Variants in AGO1 observed in about 807,000 individuals in gnomAD.
AGO1 encodes the protein protein argonaute-1.
A neutral mutation model predicts 109.2 loss-of-function variants in AGO1; 11 were observed. That is an observed-to-expected ratio of 0.10 (90% CI 0.06 to 0.17). AGO1 has a LOEUF of 0.17. Among genes scored for constraint, AGO1 ranks in the 10% least tolerant of loss-of-function variants. The pLI, the probability that AGO1 is intolerant of heterozygous loss-of-function variation, is 1.00. For synonymous variants in AGO1, 422 were observed against 418.6 expected (o/e 1.01, Z -0.10); for missense variants, 574 against 1,140.3 (o/e 0.50, Z 7.15).
Position 35,901,112 on chromosome 1 carries a change from C to G in AGO1, c.1021-362C>G, listed in dbSNP as rs373296348. On this transcript the variant is annotated intron_variant, in intron 8 of 18. Transcript: ENST00000373204. The surrounding 1 kb of genome is among the most constrained non-coding windows in gnomAD (Gnocchi z 4.8). Reference sequence around the variant, plus strand: ...TCTTGTTCCTCAGCCTCCTGAGTAGCTGGGATTACAGGCGCACGCCACCAT... The same window carrying G: ...TCTTGTTCCTCAGCCTCCTGAGTAGGTGGGATTACAGGCGCACGCCACCAT... Among the ~76,000 whole-genome samples, 8 of 151,600 alleles carry G rather than the reference C, an allele frequency of 5.3e-5. No homozygotes were observed. The East Asian group carries it at 9.9e-4, about 19-fold the overall frequency.
chr1:35,902,187 C>T lies in AGO1; in HGVS notation c.1264-17C>T. The T allele has an allele frequency of 6.2e-7, 1 of 1,610,986 alleles. No individual in the cohort carries two copies. The highest frequency in any genetic ancestry group is 8.5e-7 in the Non-Finnish European group (1 of 1,178,032). On this transcript the variant is annotated splice_polypyrimidine_tract_variant and intron_variant, in intron 10 of 18. Transcript: ENST00000373204. ...TCTACTGAGGCTCACCTAGGCGCCC[C>T]CTCTACCTATCCCCAGAACCGGGCC...
intron 12 of AGO1, among the ~76,000 whole-genome samples, chr1:35,908,865 C>T (rs1189509238): frequency 6.9e-6 from 1 of 144,192 alleles, no homozygotes; most frequent in Non-Finnish European, 1.5e-5. Flanking sequence ...GTTGCCCAGG[C>T]TGGAGTGCAG....
intron 12 of AGO1, among the ~76,000 whole-genome samples, chr1:35,911,043 GCAA>G (rs1206768773): frequency 6.6e-6 from 1 of 152,094 alleles, no homozygotes; most frequent in Non-Finnish European, 1.5e-5. Context: ...TCCAGCCTGG[GCAA>G]CAGAGGAAGA....
At chr1:35,898,674 A>G (rs1324925409) in intron 8 of AGO1, among the ~76,000 whole-genome samples, 1 of 152,200 alleles carries the variant, frequency 6.6e-6, no homozygotes, top group East Asian at 1.9e-4. Flanking sequence ...TATTCTAATT[A>G]TAATATGAAT....
chr1:35,922,731 G>A lies in AGO1; in HGVS notation c.*3124G>A, dbSNP rs1002980449. 1.6e-4 allele frequency: 25 copies of A among 152,334 alleles called. No homozygotes were observed. Among genetic ancestry groups the A allele is most frequent in the African/African-American group, 5.5e-4 (23 of 41,446 alleles). The allele number at this position is 152,334 out of a possible 1,614,324, so 9.4% of individuals were successfully genotyped here. ...CTTGACTGCAGAAGACCAAGAACCT[G>A]TTCCCCAAGCCCAGAGATGTCCACC... On this transcript the variant is annotated 3_prime_UTR_variant, in exon 19 of 19. Transcript: ENST00000373204.
At chr1:35,894,595 A>G (rs1645285079) in intron 7 of AGO1, among the ~76,000 whole-genome samples, 193 bp downstream of exon 7, 1 of 151,824 alleles carries the variant, frequency 6.6e-6, no homozygotes, top group Non-Finnish European at 1.5e-5. Context: ...TCTCCCTACC[A>G]TTTTTACCTT....
chr1:35,915,688 A>G, intron 15 of AGO1, 146 bp downstream of exon 15: 1 of 734,358 alleles, frequency 1.4e-6, no homozygotes, highest in Non-Finnish European at 2.2e-6. Flanking sequence ...CAAGGATCGC[A>G]ACTGAGGGAT....
chr1:35,883,303 C>T lies in AGO1; in HGVS notation c.-119C>T. The T allele has an allele frequency of 1.4e-6, 2 of 1,467,742 alleles. No individual in the cohort carries two copies. Among genetic ancestry groups the T allele is most frequent in the Non-Finnish European group, 1.8e-6 (2 of 1,114,188 alleles). The allele number at this position is 1,467,742 out of a possible 1,614,324, so 90.9% of individuals were successfully genotyped here. On this transcript the variant is annotated 5_prime_UTR_variant, in exon 1 of 19. Coordinates refer to ENST00000373204, the MANE Select transcript of AGO1 (RefSeq NM_012199.5). This position sits in a 1 kb window ranked among gnomAD's most constrained non-coding sequence, Gnocchi z 5.4. The stretch of plus-strand genomic sequence containing the variant: ...GGGGGCGGCGGCGCGAGCGGCCGGG[C>T]TTGGTAGGGGAGCCGAGCCCGGCCC...
intron 11 of AGO1, among the ~76,000 whole-genome samples, chr1:35,903,839 T>G (rs1287719479): frequency 2.0e-5 from 3 of 151,744 alleles, no homozygotes; most frequent in Non-Finnish European, 4.4e-5. Flanking sequence ...GGCGCGTGCC[T>G]GTAGTCCCAG....
Position 35,892,764 on chromosome 1 carries a change from T to C in AGO1, c.330+87T>C. ...AGCCTCTTTGGAGATCCAGAGATCC[T>C]TTTCATCTTTTGTGCTGAGAAAGTA... On this transcript the variant is annotated intron_variant, in intron 3 of 18. Coordinates refer to ENST00000373204, the MANE Select transcript of AGO1 (RefSeq NM_012199.5). 7 of 1,582,272 alleles carry C rather than the reference T, an allele frequency of 4.4e-6. No homozygotes were observed. In the South Asian group the frequency reaches 7.9e-5, roughly 18 times the overall value.
At chr1:35,910,046 C>T (rs556336105) in intron 12 of AGO1, among the ~76,000 whole-genome samples, 5 of 151,328 alleles carry the variant, frequency 3.3e-5, no homozygotes, top group South Asian at 2.1e-4. Context: ...ATTGGGACTT[C>T]GAGTTTCTTT....
In AGO1 at chr1:35,899,843, A is replaced by AT. The variant is rs571942039; in HGVS notation, c.1021-1622dup. Among the ~76,000 whole-genome samples, 107 of 151,528 alleles carry AT rather than the reference A, an allele frequency of 7.1e-4. 1 individual carries two copies. In the South Asian group the frequency reaches 0.011, roughly 16 times the overall value. On this transcript the variant is annotated intron_variant, in intron 8 of 18. Coordinates refer to ENST00000373204, the MANE Select transcript of AGO1 (RefSeq NM_012199.5). ...AACAAACTCATGAGACAGCTAGTGT[A>AT]TTTTTTTTTCTCATGTTTGAGATTA...
rs1034292694 is a variant in AGO1, at chr1:35,927,514, C to G, written c.*7907C>G. On this transcript the variant is annotated 3_prime_UTR_variant, in exon 19 of 19. Coordinates refer to ENST00000373204, the MANE Select transcript of AGO1 (RefSeq NM_012199.5). Reference sequence around the variant, plus strand: ...TCTGGCAAAAGAGAGACAGATTTTTCTGTGTCCTTCTAAAGCAAGGAAGTC... The same window carrying G: ...TCTGGCAAAAGAGAGACAGATTTTTGTGTGTCCTTCTAAAGCAAGGAAGTC... The G allele has an allele frequency of 1.3e-5, 2 of 152,170 alleles. No individual in the cohort carries two copies. The highest frequency in any genetic ancestry group is 1.3e-4 in the Admixed American group (2 of 15,282). 9.4% of individuals were successfully genotyped at this position (152,170 alleles called of 1,614,324 possible). A position where few individuals can be genotyped will look rare whatever the true frequency, so the allele number is the denominator to read the frequency against.
At chr1:35,872,952 C>A (rs1353485660) in intron 1 of AGO1, among the ~76,000 whole-genome samples, 2 of 151,766 alleles carry the variant, frequency 1.3e-5, no homozygotes, top group Admixed American at 1.3e-4. Context: ...GGGGGCCTTG[C>A]TATTTTTCCC....
At chr1:35,911,715 G>A (rs952461034) in intron 12 of AGO1, among the ~76,000 whole-genome samples, 1 of 152,098 alleles carries the variant, frequency 6.6e-6, no homozygotes, top group Non-Finnish European at 1.5e-5. Flanking sequence ...TTCTTGGTCA[G>A]TCCTACATTT....
chr1:35,915,639 C>T, intron 15 of AGO1, 97 bp downstream of exon 15: 1 of 1,172,156 alleles, frequency 8.5e-7, no homozygotes, highest in Admixed American at 2.2e-5. Flanking sequence ...AGGTGTGTCA[C>T]TTCTTAGTGA....
intron 1 of AGO1, among the ~76,000 whole-genome samples, chr1:35,871,475 G>A (rs1345738709): frequency 6.6e-5 from 10 of 151,776 alleles, no homozygotes; most frequent in African/African-American, 1.2e-4. Flanking sequence ...CCCAGGAGGC[G>A]GAAGTTGCAG....
rs534379333 is a variant in AGO1 at position 35,928,270 on chromosome 1, A to T, written c.*8663A>T. 1.3e-5 allele frequency: 2 copies of T among 152,170 alleles called. No individual in the cohort carries two copies. The highest frequency in any genetic ancestry group is 6.5e-5 in the Admixed American group (1 of 15,288). 9.4% of individuals were successfully genotyped at this position (152,170 alleles called of 1,614,324 possible). On this transcript the variant is annotated 3_prime_UTR_variant, in exon 19 of 19. Coordinates refer to ENST00000373204, the MANE Select transcript of AGO1 (RefSeq NM_012199.5). ...CTATCCCCATATCTTTGTTGTTTGC[A>T]TCTTTTACCCATTGTATTTGTTGTT...
At chr1:35,914,426 CT>C (rs1439035423) in intron 14 of AGO1, 152 bp downstream of exon 14, 16 of 639,356 alleles carry the variant, frequency 2.5e-5, no homozygotes, top group Non-Finnish European at 3.9e-5. Context: ...CCCTTGATAT[CT>C]CATAAAGGTA....
Sources: allele counts gnomAD v4.1 joint callset (sites outside exome capture counted in the v4.1 genomes callset), GRCh38; gene constraint gnomAD v4.1.1; non-coding constraint Gnocchi (gnomAD v3.1); transcripts MANE v1.5; gene names NCBI Gene and HGNC (gene_info 2026-07-23, HGNC 2026-07-21).